The following RYR2 variants were observed in gnomAD, a reference collection of about 807,000 sequenced individuals.
RYR2 encodes the protein cardiac muscle ryanodine receptor-calcium release channel.
A neutral mutation model predicts 601.1 loss-of-function variants in RYR2; 227 were observed. The ratio of observed to expected loss-of-function variants is 0.38; its 90% CI spans 0.34 to 0.42. The LOEUF is 0.42. Among genes scored for constraint, RYR2 ranks in the 10% least tolerant of loss-of-function variants. The pLI is 1.00. For synonymous variants in RYR2, 2,223 were observed against 2,175.1 expected (o/e 1.02, Z -0.61); for missense variants, 4,646 against 6,156.5 (o/e 0.75, Z 8.21).
chr1:237,282,290 G>A (rs1690979037), intron 2 of RYR2, among the ~76,000 whole-genome samples: 1 of 151,948 alleles, frequency 6.6e-6, no homozygotes, highest in Non-Finnish European at 1.5e-5. Flanking sequence ...AGTGGCCGTG[G>A]ACCATATGTA....
chr1:237,778,575 G>A, intron 87 of RYR2, 91 bp from the exon 88 acceptor site: 1 of 601,730 alleles, frequency 1.7e-6, no homozygotes, highest in Non-Finnish European at 3.0e-6. Context: ...AAATATATCA[G>A]CACTAAGTCA....
chr1:237,663,588 G>A (rs1282044036), intron 56 of RYR2, among the ~76,000 whole-genome samples: 4 of 152,328 alleles, frequency 2.6e-5, no homozygotes, highest in Admixed American at 2.0e-4. Context: ...GTTAACCTCT[G>A]TATGCTGCAG....
At chr1:237,778,631 G>A (rs777483192) in intron 87 of RYR2, 35 bp from the exon 88 acceptor site, 1 of 1,114,254 alleles carries the variant, frequency 9.0e-7, no homozygotes. Flanking sequence ...AATAAATTAT[G>A]AGGAATAATT....
At chr1:237,707,396 A>G (rs1688470461) in intron 68 of RYR2, 127 bp downstream of exon 68, 3 of 531,574 alleles carry the variant, frequency 5.6e-6, no homozygotes, top group Non-Finnish European at 9.5e-6. Context: ...AAATATTAGT[A>G]TTTGTCATGC....
At chr1:237,611,316 G>C (rs1375568727) in intron 36 of RYR2, among the ~76,000 whole-genome samples, 1 of 152,106 alleles carries the variant, frequency 6.6e-6, no homozygotes, top group Non-Finnish European at 1.5e-5. Flanking sequence ...TGACTTAGCA[G>C]AGTACTGTAA....
At chr1:237,594,571 G>T (rs1250235353) in intron 33 of RYR2, among the ~76,000 whole-genome samples, 2 of 152,116 alleles carry the variant, frequency 1.3e-5, no homozygotes, top group Non-Finnish European at 2.9e-5. Flanking sequence ...CTCAATATAG[G>T]GATGGGATAA....
At chr1:237,826,707 T>C (rs1663133929) in intron 101 of RYR2, among the ~76,000 whole-genome samples, 1 of 152,196 alleles carries the variant, frequency 6.6e-6, no homozygotes, top group Non-Finnish European at 1.5e-5. Flanking sequence ...GCTTTATAAA[T>C]AATTATAAAG....
At position 237,610,611 on chromosome 1, in the gene RYR2, C is replaced by T; in HGVS notation, c.4684-151C>T. 1.5e-6 allele frequency: 1 copy of T among 660,728 alleles called. No individual in the cohort carries two copies. Among genetic ancestry groups the T allele is most frequent in the Non-Finnish European group, 2.6e-6 (1 of 390,272 alleles). 40.9% of individuals were successfully genotyped at this position (660,728 alleles called of 1,614,324 possible). A position where few individuals can be genotyped will look rare whatever the true frequency, so the allele number is the denominator to read the frequency against. On this transcript the variant is annotated intron_variant, in intron 35 of 104. Transcript: ENST00000366574. The surrounding 1 kb of genome is among the most constrained non-coding windows in gnomAD (Gnocchi z 4.9). ...TTTGTCCTTTCAGAAACTTTTCAAC[C>T]CAATTTCTATGATTTCTTGTGTTGA...
In RYR2 at chr1:237,456,495, T is replaced by G. The variant is rs1658829070; in HGVS notation, c.1477-105T>G. 11 of 1,245,782 alleles carry G rather than the reference T, an allele frequency of 8.8e-6. No individual in the cohort carries two copies. The South Asian group carries it at 2.2e-4, about 24-fold the overall frequency. The allele number at this position is 1,245,782 out of a possible 1,614,324, so 77.2% of individuals were successfully genotyped here. On this transcript the variant is annotated intron_variant, in intron 15 of 104. Transcript: ENST00000366574. ...TTTCTTTATGATTAGTAGATGAACC[T>G]TCAGTCAGACTTCTATTTTTAAATC...
intron 44 of RYR2, among the ~76,000 whole-genome samples, chr1:237,635,498 A>G (rs896181881): frequency 2.6e-5 from 4 of 152,222 alleles, no homozygotes; most frequent in African/African-American, 9.6e-5. Flanking sequence ...GATATAGTAA[A>G]GCCGTGCACT....
intron 58 of RYR2, among the ~76,000 whole-genome samples, chr1:237,669,409 G>T (rs1252038065): frequency 6.6e-6 from 1 of 152,096 alleles, no homozygotes; most frequent in Non-Finnish European, 1.5e-5. Flanking sequence ...CCCAGACGGG[G>T]TGGTGGCCTG....
chr1:237,768,769 A>T (rs1306488671), intron 84 of RYR2, among the ~76,000 whole-genome samples: 2 of 152,178 alleles, frequency 1.3e-5, no homozygotes, highest in African/African-American at 4.8e-5. Flanking sequence ...CAGCATTTTA[A>T]TCAGATAGGA....
chr1:237,609,451 C>A (rs559707376), intron 35 of RYR2, among the ~76,000 whole-genome samples: 2 of 150,754 alleles, frequency 1.3e-5, no homozygotes, highest in Non-Finnish European at 2.9e-5. Context: ...CTCACTGCAA[C>A]CTCCGCCTCC....
intron 1 of RYR2, among the ~76,000 whole-genome samples, chr1:237,263,727 A>G (rs1224207465): frequency 1.3e-5 from 2 of 152,234 alleles, no homozygotes; most frequent in East Asian, 1.9e-4. Flanking sequence ...AAATTGGATT[A>G]GAGGTCATCT....
At chr1:237,261,099 T>C (rs1445066228) in intron 1 of RYR2, among the ~76,000 whole-genome samples, 2 of 152,250 alleles carry the variant, frequency 1.3e-5, no homozygotes, top group Non-Finnish European at 2.9e-5. Context: ...AATGATGGGA[T>C]AAATGAGATC....
At chr1:237,175,204 C>T (rs1392819401) in intron 1 of RYR2, among the ~76,000 whole-genome samples, 3 of 152,176 alleles carry the variant, frequency 2.0e-5, no homozygotes, top group African/African-American at 2.4e-5. Flanking sequence ...ATAACCTCTA[C>T]AAATCACAGT....
chr1:237,360,284 T>A (rs1390407758), intron 4 of RYR2, among the ~76,000 whole-genome samples: 1 of 152,248 alleles, frequency 6.6e-6, no homozygotes, highest in Non-Finnish European at 1.5e-5. Flanking sequence ...GACATCAGTA[T>A]CCATTTGCCC....
chr1:237,714,118 A>C (rs1000383159), intron 71 of RYR2, among the ~76,000 whole-genome samples: 3 of 152,176 alleles, frequency 2.0e-5, no homozygotes, highest in Non-Finnish European at 4.4e-5. Flanking sequence ...TGACTCTGCC[A>C]CTTCATAATC....
intron 89 of RYR2, among the ~76,000 whole-genome samples, chr1:237,783,443 T>C (rs1695290714): frequency 6.6e-6 from 1 of 152,230 alleles, no homozygotes; most frequent in Non-Finnish European, 1.5e-5. Flanking sequence ...ATGTCAACTT[T>C]TGTTGAAATA....
Sources: gnomAD v4.1 joint callset for allele counts (sites outside exome capture counted in the v4.1 genomes callset) on GRCh38, gnomAD v4.1.1 for gene constraint, Gnocchi (gnomAD v3.1) non-coding constraint, MANE v1.5 for transcripts, NCBI Gene and HGNC (gene_info 2026-07-23, HGNC 2026-07-21) for gene names.